The following STARD6 variants were observed in gnomAD, a reference collection of about 807,000 sequenced individuals.
STARD6 encodes the protein stAR-related lipid transfer protein 6.
A neutral mutation model predicts 22.3 loss-of-function variants in STARD6; 21 were observed. The ratio of observed to expected loss-of-function variants is 0.94; its 90% CI spans 0.67 to 1.35. The LOEUF (loss-of-function observed/expected upper bound fraction) is 1.35. STARD6 is among the 40% of genes most tolerant of loss of function. STARD6 has a pLI of 0.00. For missense variants in STARD6, 269 were observed against 266.9 expected, an observed-to-expected ratio of 1.01 and a Z score of -0.05; for synonymous variants, 80 against 88.1, an observed-to-expected ratio of 0.91 and a Z score of 0.52.
chr18:54,329,317 T>C (rs760993350), intron 7 of STARD6, 30 bp downstream of exon 7: 4 of 1,507,344 alleles, frequency 2.7e-6, no homozygotes, highest in Non-Finnish European at 3.5e-6. Flanking sequence ...AAAAAACCTG[T>C]TAAAATAAAT....
At position 54,354,548 on chromosome 18, in the gene STARD6, T is replaced by G. The variant is rs1163125925; in HGVS notation, c.26A>C (p.Gln9Pro). 6.2e-7 allele frequency: 1 copy of G among 1,613,174 alleles called. No homozygotes were observed. Among genetic ancestry groups the G allele is most frequent in the Non-Finnish European group, 8.5e-7 (1 of 1,179,632 alleles). Residue 9 changes from glutamine to proline, a missense_variant, in exon 3 of 8, where the codon CAA becomes CCA. Coordinates refer to ENST00000307844, the MANE Select transcript of STARD6 (RefSeq NM_139171.2). Reference sequence around the variant, plus strand: ...ATAACCTAAAACTTCTTGGGCAGTTTGTTGGGCAATTGCCTTGAAGTCCAT... The same window carrying G: ...ATAACCTAAAACTTCTTGGGCAGTTGGTTGGGCAATTGCCTTGAAGTCCAT... MDFKAIAQ[Q>P]TAQEVLGYNR... is the part of the protein sequence containing the mutation.
intron 4 of STARD6, among the ~76,000 whole-genome samples, chr18:54,349,005 G>C (rs2089066306): frequency 6.6e-6 from 1 of 152,098 alleles, no homozygotes; most frequent in African/African-American, 2.4e-5. Context: ...GTCTTGGTGA[G>C]AGACACTGTT....
chr18:54,350,552 T>C (rs1259288831), intron 4 of STARD6, among the ~76,000 whole-genome samples: 2 of 152,178 alleles, frequency 1.3e-5, no homozygotes, highest in Non-Finnish European at 2.9e-5. Context: ...CATGAACTCT[T>C]TGCCTAAGCC....
At chr18:54,326,710 TA>T (rs2088828155) in intron 7 of STARD6, among the ~76,000 whole-genome samples, 1 of 151,036 alleles carries the variant, frequency 6.6e-6, no homozygotes, top group Non-Finnish European at 1.5e-5. Flanking sequence ...AAATTTTTTA[TA>T]TAAAAATAAA....
rs749075638 is a variant in STARD6 at position 54,329,410 on chromosome 18, G to A, written c.416C>T (p.Pro139Leu). ...ATAACCGCGGATATAATTTGAAGATGGAGGATATTCTGGAAAATCCACACT... is the reference window on the plus strand; with the variant it reads ...ATAACCGCGGATATAATTTGAAGATAGAGGATATTCTGGAAAATCCACACT... ...SKSVDFPEYP[P>L]SSNYIRGYNH... The change falls in exon 7 of 8, where the codon CCA (proline) becomes CTA (leucine). Residue 139 changes from proline (P) to leucine (L), a missense_variant. Coordinates refer to ENST00000307844, the MANE Select transcript of STARD6 (RefSeq NM_139171.2). 2.5e-6 allele frequency: 4 copies of A among 1,602,114 alleles called. No homozygotes were observed. In the Admixed American group the frequency reaches 6.9e-5, roughly 28 times the overall value.
intron 4 of STARD6, 59 bp downstream of exon 4, chr18:54,353,995 C>T: frequency 1.9e-6 from 2 of 1,051,744 alleles, no homozygotes; most frequent in Non-Finnish European, 2.8e-6. Flanking sequence ...ACTGAAATTC[C>T]AGATACATCA....
chr18:54,333,293 CA>C (rs1406457346), intron 5 of STARD6, among the ~76,000 whole-genome samples: 2 of 151,992 alleles, frequency 1.3e-5, no homozygotes, highest in Non-Finnish European at 2.9e-5. Flanking sequence ...ACTAAAAATA[CA>C]AAAAATTAGC....
intron 7 of STARD6, 118 bp from the exon 8 acceptor site, chr18:54,324,993 GTA>G (rs2088812021): frequency 2.6e-6 from 2 of 755,174 alleles, no homozygotes; most frequent in Non-Finnish European, 3.7e-6. Context: ...CTTAAAAATT[GTA>G]CTTAAAAATA....
At chr18:54,337,399 T>C in intron 4 of STARD6, 148 bp from the exon 5 acceptor site, 1 of 613,516 alleles carries the variant, frequency 1.6e-6, no homozygotes. Flanking sequence ...AATATATTAA[T>C]ATTCAATTGG....
chr18:54,357,493 AT>A, intron 1 of STARD6, among the ~76,000 whole-genome samples: 1 of 151,662 alleles, frequency 6.6e-6, no homozygotes, highest in African/African-American at 2.4e-5. Context: ...AGCTGAGACG[AT>A]ATCTTATTTT....
intron 4 of STARD6, among the ~76,000 whole-genome samples, chr18:54,342,569 C>T (rs1269768956): frequency 7.4e-6 from 1 of 135,672 alleles, no homozygotes; most frequent in African/African-American, 2.9e-5. Context: ...TGCAACCTCC[C>T]TGCCTGATTC....
chr18:54,340,514 A>C (rs1256006320), intron 4 of STARD6, among the ~76,000 whole-genome samples: 2 of 152,236 alleles, frequency 1.3e-5, no homozygotes, highest in Non-Finnish European at 2.9e-5. Context: ...GCCATGAGAC[A>C]TACAGAAAAC....
In STARD6 at chr18:54,331,845, A is replaced by C. The variant is rs773583634; in HGVS notation, c.282T>G (p.Cys94Trp). ...CGGCAAAACTTTGTGTAATGGTATG[A>C]CATATGAATGTGTCCTGCAACAAAT... ...VHRIDSDTFI[C>W]HTITQSFAVG... The change falls in exon 6 of 8, where the codon TGT becomes TGG. Residue 94 changes from cysteine (C) to tryptophan (W), a missense_variant. Cys to Trp is a radical substitution (Grantham distance 215, BLOSUM62 -2). Coordinates refer to ENST00000307844, the MANE Select transcript of STARD6 (RefSeq NM_139171.2). 5.0e-6 allele frequency: 8 copies of C among 1,608,134 alleles called. No individual in the cohort carries two copies. The highest frequency in any genetic ancestry group is 6.8e-6 in the Non-Finnish European group (8 of 1,175,250).
intron 5 of STARD6, among the ~76,000 whole-genome samples, chr18:54,336,630 T>G (rs566882451): frequency 6.8e-4 from 104 of 152,220 alleles, no homozygotes; most frequent in Non-Finnish European, 1.2e-3. Context: ...GTTCTCATGA[T>G]AGTGAGTGAG....
intron 7 of STARD6, 89 bp from the exon 8 acceptor site, chr18:54,324,964 C>T: frequency 9.3e-7 from 1 of 1,073,392 alleles, no homozygotes; most frequent in African/African-American, 1.7e-5. Context: ...GGATTCTTAT[C>T]TTATTCACCG....
intron 4 of STARD6, among the ~76,000 whole-genome samples, chr18:54,338,891 T>C (rs2088941544): frequency 6.6e-6 from 1 of 151,406 alleles, no homozygotes. Context: ...CTACTAAAAA[T>C]ACAAGAATTA....
chr18:54,325,608 C>T (rs1006590426), intron 7 of STARD6, among the ~76,000 whole-genome samples: 1 of 151,580 alleles, frequency 6.6e-6, no homozygotes, highest in African/African-American at 2.4e-5. Flanking sequence ...AGTGCAGTGA[C>T]GTGATTCTAG....
At chr18:54,333,951 ATT>A (rs1669664977) in intron 5 of STARD6, among the ~76,000 whole-genome samples, 1 of 150,542 alleles carries the variant, frequency 6.6e-6, no homozygotes. Flanking sequence ...CATCATTCAC[ATT>A]CTCATCTCTT....
intron 5 of STARD6, among the ~76,000 whole-genome samples, chr18:54,332,877 C>A (rs2088876478): frequency 6.6e-6 from 1 of 151,852 alleles, no homozygotes; most frequent in South Asian, 2.1e-4. Context: ...TGCACTCTAG[C>A]CTGGGCAAGA....
Sources: gnomAD v4.1 joint callset for allele counts (sites outside exome capture counted in the v4.1 genomes callset) on GRCh38, gnomAD v4.1.1 for gene constraint, MANE v1.5 for transcripts, NCBI Gene and HGNC (gene_info 2026-07-23, HGNC 2026-07-21) for gene names.